The following MACROD2 variants were observed in gnomAD, a reference collection of about 807,000 sequenced individuals.
MACROD2 encodes ADP-ribose glycohydrolase MACROD2.
MACROD2 carries 36 observed loss-of-function variants against 70.4 expected under a neutral mutation model. The ratio of observed to expected loss-of-function variants is 0.51; its 90% CI spans 0.39 to 0.68. The LOEUF (loss-of-function observed/expected upper bound fraction) is 0.68, where lower values mean the gene tolerates loss of function less well. Among genes scored for constraint, MACROD2 ranks in the 30% least tolerant of loss-of-function variants. The pLI, the probability that MACROD2 is intolerant of heterozygous loss-of-function variation, is 0.00. For synonymous variants in MACROD2, 172 were observed against 178.8 expected (o/e 0.96, Z 0.30); for missense variants, 496 against 538.4 (o/e 0.92, Z 0.78).
chr20:15,299,238 C>T (rs1483162670), intron 6 of MACROD2, among the ~76,000 whole-genome samples: 1 of 152,132 alleles, frequency 6.6e-6, no homozygotes, highest in Non-Finnish European at 1.5e-5. Context: ...CTATTTCTAA[C>T]CCCCATTTTT....
At chr20:15,520,680 G>A (rs1424959789) in intron 8 of MACROD2, among the ~76,000 whole-genome samples, 3 of 152,182 alleles carry the variant, frequency 2.0e-5, no homozygotes, top group Non-Finnish European at 4.4e-5. Context: ...ATGGTATGCC[G>A]GGTCCCTCTG....
At chr20:15,206,643 T>C (rs918553834) in intron 5 of MACROD2, among the ~76,000 whole-genome samples, 1 of 151,550 alleles carries the variant, frequency 6.6e-6, no homozygotes, top group African/African-American at 2.4e-5. Context: ...TTTTTTCTTT[T>C]CTTAATGTAA....
chr20:16,033,621 A>G (rs1248501699), intron 15 of MACROD2, among the ~76,000 whole-genome samples: 1 of 152,066 alleles, frequency 6.6e-6, no homozygotes, highest in African/African-American at 2.4e-5. Flanking sequence ...TCAATCCTCC[A>G]GTTTTATGAG....
Position 14,656,074 on chromosome 20 carries a change from A to G in MACROD2, c.302-28769A>G, listed in dbSNP as rs151229183. Among the ~76,000 whole-genome samples, 19 of 152,356 alleles carry G rather than the reference A, an allele frequency of 1.2e-4. No individual in the cohort carries two copies. In the East Asian group the frequency reaches 2.3e-3, roughly 19 times the overall value. ...TCCAGAAGCTCTTACAGTTACTTAC[A>G]TAGCTAAGTAAGAGCAAAGGCTGGA... On this transcript the variant is annotated intron_variant, in intron 4 of 17. Transcript: ENST00000684519.
chr20:15,562,539 G>C (rs1600594133), intron 8 of MACROD2, among the ~76,000 whole-genome samples: 1 of 152,186 alleles, frequency 6.6e-6, no homozygotes, highest in Non-Finnish European at 1.5e-5. Flanking sequence ...GGAAGGTAAT[G>C]TTTGTGTGTG....
At chr20:14,058,526 T>TA (rs1315198728) in intron 2 of MACROD2, among the ~76,000 whole-genome samples, 1 of 151,916 alleles carries the variant, frequency 6.6e-6, no homozygotes, top group Non-Finnish European at 1.5e-5. Flanking sequence ...CCTCTTTTTT[T>TA]AAAAAATTTT....
chr20:14,229,811 A>G (rs1353128321), intron 3 of MACROD2, among the ~76,000 whole-genome samples: 1 of 152,224 alleles, frequency 6.6e-6, no homozygotes, highest in African/African-American at 2.4e-5. Context: ...GATGTCCTTC[A>G]GTGGAAAAAT....
chr20:14,968,482 A>T (rs1208917907), intron 5 of MACROD2, among the ~76,000 whole-genome samples: 1 of 152,268 alleles, frequency 6.6e-6, no homozygotes, highest in Non-Finnish European at 1.5e-5. Flanking sequence ...TCTTTAAATT[A>T]GTGGGACTGG....
chr20:15,804,234 C>T (rs1383779388), intron 8 of MACROD2, among the ~76,000 whole-genome samples: 1 of 152,160 alleles, frequency 6.6e-6, no homozygotes, highest in Non-Finnish European at 1.5e-5. Context: ...GTGACAACAT[C>T]TTTGGATGGT....
intron 8 of MACROD2, among the ~76,000 whole-genome samples, chr20:15,669,122 AT>A (rs2049943107): frequency 6.6e-6 from 1 of 152,206 alleles, no homozygotes; most frequent in Non-Finnish European, 1.5e-5. Flanking sequence ...TATGTTGTTT[AT>A]TTTTATCTCA....
chr20:14,988,355 CA>C (rs11087116), intron 5 of MACROD2, among the ~76,000 whole-genome samples: 22 of 112,218 alleles, frequency 2.0e-4, no homozygotes, highest in African/African-American at 5.3e-4. Flanking sequence ...GAGACTCTGT[CA>C]AAAAAAAAAA....
At chr20:15,232,601 A>G (rs2076968562) in intron 6 of MACROD2, among the ~76,000 whole-genome samples, 1 of 152,084 alleles carries the variant, frequency 6.6e-6, no homozygotes, top group African/African-American at 2.4e-5. Context: ...AATTCTCTGA[A>G]AAGTATTTGA....
At chr20:15,288,412 A>G (rs1025532362) in intron 6 of MACROD2, among the ~76,000 whole-genome samples, 1 of 152,158 alleles carries the variant, frequency 6.6e-6, no homozygotes, top group Admixed American at 6.5e-5. Context: ...AATTGACTGG[A>G]CTAAGGGATA....
chr20:14,060,953 T>A (rs1289375019), intron 2 of MACROD2, among the ~76,000 whole-genome samples: 1 of 152,120 alleles, frequency 6.6e-6, no homozygotes, highest in Non-Finnish European at 1.5e-5. Flanking sequence ...CTTAATAATA[T>A]AGCCATGAAA....
rs142215054 is a variant in MACROD2, at chr20:15,444,215, A to G, written c.571+12780A>G. Among the ~76,000 whole-genome samples the G allele has an allele frequency of 8.2e-3, 1,252 of 152,244 alleles. 6 individuals carry two copies. Among genetic ancestry groups the G allele is most frequent in the Non-Finnish European group, 0.012 (817 of 68,004 alleles). On this transcript the variant is annotated intron_variant, in intron 7 of 17. Transcript: ENST00000684519. ...TCCTTCATGTAGCAAAATATATTCAAAGTTCGTCCATGTCATAGCATCTGT... is the reference window on the plus strand; with the variant it reads ...TCCTTCATGTAGCAAAATATATTCAGAGTTCGTCCATGTCATAGCATCTGT...
chr20:15,554,800 A>G (rs1354537896), intron 8 of MACROD2, among the ~76,000 whole-genome samples: 1 of 152,214 alleles, frequency 6.6e-6, no homozygotes, highest in African/African-American at 2.4e-5. Flanking sequence ...CTGAACGCTG[A>G]ATAAAAATGT....
At chr20:14,393,896 G>A (rs2083553470) in intron 3 of MACROD2, among the ~76,000 whole-genome samples, 1 of 152,106 alleles carries the variant, frequency 6.6e-6, no homozygotes, top group Non-Finnish European at 1.5e-5. Flanking sequence ...TATAAGAAGA[G>A]GAAGAGACAC....
intron 7 of MACROD2, among the ~76,000 whole-genome samples, chr20:15,460,162 C>G (rs1442016744): frequency 6.6e-6 from 1 of 152,170 alleles, no homozygotes; most frequent in Non-Finnish European, 1.5e-5. Context: ...CCACTCTACT[C>G]CCGTTTGAAC....
rs185979566 is a variant in MACROD2, at chr20:14,976,690, T to C, written c.419-253250T>C. 1.8e-4 allele frequency among the ~76,000 whole-genome samples: 27 copies of C among 152,304 alleles called. No homozygotes were observed. In the East Asian group the frequency reaches 5.2e-3, roughly 29 times the overall value. On this transcript the variant is annotated intron_variant, in intron 5 of 17. Transcript: ENST00000684519. ...AGATGGATGGAAAGATGGTTTAGCC[T>C]AGAGGTGAAGGACATGACCTCTGTT...
Sources: allele counts gnomAD v4.1 joint callset (sites outside exome capture counted in the v4.1 genomes callset), GRCh38; gene constraint gnomAD v4.1.1; transcripts MANE v1.5; gene names NCBI Gene and HGNC (gene_info 2026-07-23, HGNC 2026-07-21).